TNS1: variants seen among roughly 807,000 people sequenced by gnomAD.
TNS1 encodes the protein tensin-1.
TNS1 carries 62 observed loss-of-function variants against 168.6 expected under a neutral mutation model. The observed-to-expected ratio is 0.37, with a 90% confidence interval of 0.30 to 0.45. The LOEUF (loss-of-function observed/expected upper bound fraction) is 0.45. TNS1 is among the 20% of genes least tolerant of loss of function. The pLI, the probability that TNS1 is intolerant of heterozygous loss-of-function variation, is 1.00. For missense variants in TNS1, 2,240 were observed against 2,339.4 expected (o/e 0.96, Z 0.88); for synonymous variants, 934 against 933.2 (o/e 1.00, Z -0.02).
At chr2:217,974,548 T>G (rs1009051912) in intron 3 of TNS1, among the ~76,000 whole-genome samples, 5 of 152,074 alleles carry the variant, frequency 3.3e-5, no homozygotes, top group African/African-American at 1.2e-4. Flanking sequence ...AATCAACACA[T>G]AGATAACATT....
chr2:217,882,173 T>C (rs1234398695), intron 17 of TNS1, 173 bp downstream of exon 17: 28 of 562,622 alleles, frequency 5.0e-5, no homozygotes, highest in Non-Finnish European at 7.9e-5. Flanking sequence ...AGAGATTAAG[T>C]CACTGGTTCA....
At chr2:217,953,503 G>GA (rs1324724488) in intron 3 of TNS1, among the ~76,000 whole-genome samples, 1 of 152,230 alleles carries the variant, frequency 6.6e-6, no homozygotes, top group African/African-American at 2.4e-5. Flanking sequence ...TGGGTTTTGG[G>GA]ATTTTTCTTC....
At chr2:217,975,387 G>A (rs1957868722) in intron 3 of TNS1, among the ~76,000 whole-genome samples, 1 of 151,998 alleles carries the variant, frequency 6.6e-6, no homozygotes, top group Admixed American at 6.6e-5. Context: ...ACTAAATCTG[G>A]GGGCCATTTA....
intron 1 of TNS1, among the ~76,000 whole-genome samples, chr2:218,017,908 C>T (rs1316889238): frequency 6.6e-6 from 1 of 152,222 alleles, no homozygotes; most frequent in Non-Finnish European, 1.5e-5. Context: ...AGCCAGAGCA[C>T]ACTGTCTGGA....
chr2:217,805,506 A>ACACACACC (rs1559131962), intron 32 of TNS1, among the ~76,000 whole-genome samples: 1 of 49,848 alleles, frequency 2.0e-5, no homozygotes, highest in Non-Finnish European at 3.3e-5. Flanking sequence ...CACACACACC[A>ACACACACC]CCACACACAC....
rs1284277185 is a variant in TNS1 at position 217,891,922 on chromosome 2, G to A, written c.783-877C>T. Reference sequence around the variant, plus strand: ...TCATCAAGAGGCCTTCTCCAACCATGGACCTGCCTCGCCACTGCCCTTCTT... The same window carrying A: ...TCATCAAGAGGCCTTCTCCAACCATAGACCTGCCTCGCCACTGCCCTTCTT... On this transcript the variant is annotated intron_variant, in intron 11 of 32. Transcript: ENST00000682258. 2.0e-5 allele frequency among the ~76,000 whole-genome samples: 3 copies of A among 152,256 alleles called. No individual in the cohort carries two copies. The East Asian group carries it at 5.8e-4, about 29-fold the overall frequency.
chr2:217,949,044 C>T (rs932015475), intron 3 of TNS1, among the ~76,000 whole-genome samples: 1 of 152,192 alleles, frequency 6.6e-6, no homozygotes, highest in Non-Finnish European at 1.5e-5. Context: ...CAGCCCCTCC[C>T]TCCTCTCACC....
intron 1 of TNS1, chr2:218,009,967 C>G (rs904492969): frequency 2.6e-6 from 1 of 390,972 alleles, no homozygotes; most frequent in African/African-American, 2.1e-5. Context: ...TGACGATGGC[C>G]GAGACGGAGG....
intron 2 of TNS1, among the ~76,000 whole-genome samples, chr2:217,987,391 C>T (rs1352366572): frequency 2.6e-5 from 4 of 152,214 alleles, no homozygotes; most frequent in African/African-American, 4.8e-5. Flanking sequence ...TCTTAGTTTC[C>T]TATCTGCCTT....
At chr2:217,830,523 TAAG>T (rs1371053107) in intron 22 of TNS1, 21 of 1,063,024 alleles carry the variant, frequency 2.0e-5, no homozygotes, top group South Asian at 3.1e-5. Flanking sequence ...CCCTCCACCA[TAAG>T]AAGGAGAGGA....
At chr2:217,969,569 A>G (rs1957728545) in intron 3 of TNS1, among the ~76,000 whole-genome samples, 1 of 152,222 alleles carries the variant, frequency 6.6e-6, no homozygotes, top group South Asian at 2.1e-4. Flanking sequence ...CGTATAAAGA[A>G]CTTTTACAAC....
At chr2:217,936,563 G>T (rs1956619405) in intron 3 of TNS1, among the ~76,000 whole-genome samples, 1 of 152,084 alleles carries the variant, frequency 6.6e-6, no homozygotes, top group African/African-American at 2.4e-5. Flanking sequence ...AGGAACCCAG[G>T]CCCTGGCTTG....
chr2:218,001,672 C>G (rs1357160769), intron 1 of TNS1, among the ~76,000 whole-genome samples: 2 of 152,176 alleles, frequency 1.3e-5, no homozygotes, highest in African/African-American at 4.8e-5. Context: ...ATCTATTAAT[C>G]CAATCCATCC....
Position 217,813,131 on chromosome 2 carries a change from C to T in TNS1, c.4954+84G>A, listed in dbSNP as rs1294516960. The T allele has an allele frequency of 1.0e-5, 10 of 960,774 alleles. No homozygotes were observed. In the East Asian group the frequency reaches 2.6e-4, roughly 25 times the overall value. 59.5% of individuals were successfully genotyped at this position (960,774 alleles called of 1,614,324 possible). ...GACTGGCAGAGCCTGTCAGAAAGAA[C>T]TTGGGGTCAGACCCCTGGAGGAACC... On this transcript the variant is annotated intron_variant, in intron 27 of 32. Transcript: ENST00000682258. The surrounding 1 kb of genome is among the most constrained non-coding windows in gnomAD (Gnocchi z 4.0).
intron 3 of TNS1, among the ~76,000 whole-genome samples, chr2:217,953,123 T>C (rs1385185900): frequency 6.6e-6 from 1 of 152,094 alleles, no homozygotes; most frequent in East Asian, 1.9e-4. Flanking sequence ...CTAATGTCCA[T>C]GAGGAGGGAA....
intron 18 of TNS1, chr2:217,859,104 C>A: frequency 5.8e-6 from 1 of 173,602 alleles, no homozygotes; most frequent in South Asian, 1.3e-4. Flanking sequence ...CAGCCCCAGT[C>A]CCAAACCCAT....
In TNS1 at chr2:217,893,003, C is replaced by A; in HGVS notation, c.727G>T (p.Gly243Cys). Residue 243 changes from glycine to cysteine, a missense_variant, in exon 11 of 33, where the codon GGC becomes TGC. This residue lies in a region of TNS1 where 2,131 missense variants were observed against 2,171.2 expected (regional missense o/e 0.98). Coordinates refer to ENST00000682258, the MANE Select transcript of TNS1 (RefSeq NM_001387777.1). ...VVVLHNKGNRGRIGVVIAAYM... is the reference protein window; with the variant it reads ...VVVLHNKGNRCRIGVVIAAYM... ...GCCGCGATGACAACTCCTATCCTGCCTCGGTTTCCCTGAAAGAGCCCCAAA... is the reference window on the plus strand; with the variant it reads ...GCCGCGATGACAACTCCTATCCTGCATCGGTTTCCCTGAAAGAGCCCCAAA... The A allele has an allele frequency of 1.2e-6, 2 of 1,614,168 alleles. No homozygotes were observed. Among genetic ancestry groups the A allele is most frequent in the Non-Finnish European group, 8.5e-7 (1 of 1,180,010 alleles).
chr2:217,935,764 G>C (rs971478011), intron 3 of TNS1, among the ~76,000 whole-genome samples: 1 of 152,106 alleles, frequency 6.6e-6, no homozygotes, highest in Admixed American at 6.5e-5. Context: ...AATCACCAAG[G>C]TTTATGCAGA....
At chr2:217,812,589 C>T in intron 27 of TNS1, 144 bp from the exon 28 acceptor site, 1 of 642,262 alleles carries the variant, frequency 1.6e-6, no homozygotes, top group South Asian at 2.1e-5. Context: ...TGAAAATTCA[C>T]ACCCTCTTGT....
Sources: gnomAD v4.1 joint callset for allele counts (sites outside exome capture counted in the v4.1 genomes callset) on GRCh38, gnomAD v4.1.1 for gene constraint, gnomAD v4.1.1 regional missense constraint, Gnocchi (gnomAD v3.1) non-coding constraint, MANE v1.5 for transcripts, NCBI Gene and HGNC (gene_info 2026-07-23, HGNC 2026-07-21) for gene names.